The following IQSEC1 variants were observed in gnomAD, a reference collection of about 807,000 sequenced individuals.
IQSEC1 encodes the protein IQ motif and SEC7 domain-containing protein 1.
A neutral mutation model predicts 91.0 loss-of-function variants in IQSEC1; 31 were observed. The observed-to-expected ratio is 0.34, with a 90% CI of 0.26 to 0.46. IQSEC1 has a LOEUF of 0.46. IQSEC1 is among the 20% of genes least tolerant of loss of function. The pLI is 1.00. For missense variants in IQSEC1, 1,388 were observed against 1,575.6 expected, an observed-to-expected ratio of 0.88 and a Z score of 2.02; for synonymous variants, 699 against 662.6, an observed-to-expected ratio of 1.05 and a Z score of -0.84.
At chr3:13,201,090 G>A (rs555064068) in intron 1 of IQSEC1, among the ~76,000 whole-genome samples, 20 of 152,272 alleles carry the variant, frequency 1.3e-4, no homozygotes, top group African/African-American at 3.6e-4. Flanking sequence ...CATTTACTCC[G>A]CACAACAAAT....
chr3:13,051,528 A>G (rs946799003), intron 1 of IQSEC1, among the ~76,000 whole-genome samples: 1 of 152,164 alleles, frequency 6.6e-6, no homozygotes. Flanking sequence ...TGCTGGTTAC[A>G]TGAGTGTGTT....
chr3:13,073,171 G>C lies in IQSEC1; in HGVS notation c.-157C>G. ...CCCGGGGGTGGCGGGCTCCTCCAGG[G>C]AGGCTGGGGCGGGAGCGGGGGGCGG... On this transcript the variant is annotated 5_prime_UTR_variant, in exon 1 of 14. Coordinates refer to ENST00000613206, the MANE Select transcript of IQSEC1 (RefSeq NM_001134382.3). 1.3e-6 allele frequency: 1 copy of C among 754,152 alleles called. No individual in the cohort carries two copies. Among genetic ancestry groups the C allele is most frequent in the Non-Finnish European group, 2.2e-6 (1 of 462,510 alleles). The allele number at this position is 754,152 out of a possible 1,614,324, so 46.7% of individuals were successfully genotyped here.
chr3:13,264,263 T>A (rs998706782), intron 1 of IQSEC1, among the ~76,000 whole-genome samples: 2 of 152,124 alleles, frequency 1.3e-5, no homozygotes, highest in Admixed American at 1.3e-4. Flanking sequence ...CCTCCAAACT[T>A]AAACTGGTTT....
intron 2 of IQSEC1, among the ~76,000 whole-genome samples, chr3:13,117,553 G>T (rs1477201178): frequency 1.1e-5 from 1 of 87,900 alleles, no homozygotes; most frequent in Non-Finnish European, 2.0e-5. Flanking sequence ...CCTGGTGACA[G>T]AGCAAGACTC....
At position 12,908,772 on chromosome 3, in the gene IQSEC1, C is replaced by T. The variant is rs894930629; in HGVS notation, c.2579-247G>A. Among the ~76,000 whole-genome samples the T allele has an allele frequency of 1.3e-5, 2 of 151,982 alleles. No homozygotes were observed. Among genetic ancestry groups the T allele is most frequent in the African/African-American group, 2.4e-5 (1 of 41,376 alleles). On this transcript the variant is annotated intron_variant, in intron 11 of 13. Transcript: ENST00000613206. The surrounding 1 kb of genome is among the most constrained non-coding windows in gnomAD (Gnocchi z 4.9). ...AGGAAGGATAGTCACCTTCCAGGCT[C>T]GGGAGTGGACAGGGAGGCACAGACT... is the stretch of plus-strand genomic sequence containing the variant.
rs1002670477 is a variant in IQSEC1 at position 13,069,539 on chromosome 3, C to T, written c.23+3453G>A. Among the ~76,000 whole-genome samples, 4 of 152,174 alleles carry T rather than the reference C, an allele frequency of 2.6e-5. No homozygotes were observed. The East Asian group carries it at 7.7e-4, about 29-fold the overall frequency. The stretch of plus-strand genomic sequence containing the variant: ...TCCCACCAGAGGGAGACCACTGCCT[C>T]CTGCGGGGGCCGGCAGGTCATCATG... On this transcript the variant is annotated intron_variant, in intron 1 of 13. Transcript: ENST00000613206.
chr3:13,206,032 T>C (rs1694337444), intron 1 of IQSEC1, among the ~76,000 whole-genome samples: 1 of 132,768 alleles, frequency 7.5e-6, no homozygotes, highest in African/African-American at 2.9e-5. Context: ...CCATCCCCCA[T>C]CCCCCCATCT....
At chr3:12,941,443 C>G (rs554586715) in intron 2 of IQSEC1, 128 bp downstream of exon 2, 28 of 948,620 alleles carry the variant, frequency 3.0e-5, no homozygotes, top group Non-Finnish European at 2.9e-5. Context: ...GAGCCCTCAG[C>G]CTTAGCCCAC....
chr3:12,973,525 T>C (rs1375526410), intron 1 of IQSEC1, among the ~76,000 whole-genome samples: 2 of 152,170 alleles, frequency 1.3e-5, no homozygotes, highest in Admixed American at 1.3e-4. Context: ...GCCATTGTCC[T>C]GTGTAACTGG....
At chr3:13,168,886 C>T (rs1693550731) in intron 1 of IQSEC1, among the ~76,000 whole-genome samples, 2 of 152,232 alleles carry the variant, frequency 1.3e-5, no homozygotes, top group Admixed American at 1.3e-4. Context: ...CCCATTCATC[C>T]TCCTGTGAAC....
chr3:13,186,573 G>A (rs1693934902), intron 1 of IQSEC1, among the ~76,000 whole-genome samples: 1 of 152,208 alleles, frequency 6.6e-6, no homozygotes, highest in Admixed American at 6.5e-5. Context: ...CAGTCTGTGA[G>A]GACCGCCTAC....
rs1695289024 is a variant in IQSEC1 at position 13,256,556 on chromosome 3, T to C, written c.272+26155A>G. Among the ~76,000 whole-genome samples, 5 of 152,146 alleles carry C rather than the reference T, an allele frequency of 3.3e-5. No homozygotes were observed. The South Asian group carries it at 1.0e-3, about 32-fold the overall frequency. ...AGCCCAGTGATTTGCCCAGGGGAAC[T>C]GGGGTTCCTAAGAGCCACACCCTCC... On this transcript the variant is annotated intron_variant, in intron 1 of 15. Coordinates refer to the IQSEC1 transcript ENST00000648114.
At chr3:13,142,726 G>A (rs928899550) in intron 2 of IQSEC1, among the ~76,000 whole-genome samples, 6 of 152,262 alleles carry the variant, frequency 3.9e-5, no homozygotes, top group Non-Finnish European at 8.8e-5. Context: ...TGTAACTCCA[G>A]TGTCCATTGT....
chr3:12,967,464 G>A lies in IQSEC1; in HGVS notation c.24-25599C>T. 2.6e-6 allele frequency: 4 copies of A among 1,514,466 alleles called. No individual in the cohort carries two copies. Among genetic ancestry groups the A allele is most frequent in the Non-Finnish European group, 3.5e-6 (4 of 1,137,098 alleles). 93.8% of individuals were successfully genotyped at this position (1,514,466 alleles called of 1,614,324 possible). On this transcript the variant is annotated intron_variant, in intron 1 of 13. Transcript: ENST00000613206. This position sits in a 1 kb window ranked among gnomAD's most constrained non-coding sequence, Gnocchi z 5.9. ...GCAGGCACCACATGGCGGCCGCAGTGGGAGCGGGCCGGGCCGGGAGCCGGG... is the reference window on the plus strand; with the variant it reads ...GCAGGCACCACATGGCGGCCGCAGTAGGAGCGGGCCGGGCCGGGAGCCGGG...
intron 1 of IQSEC1, among the ~76,000 whole-genome samples, chr3:13,275,637 C>T (rs560817104): frequency 4.6e-5 from 7 of 152,248 alleles, no homozygotes; most frequent in Non-Finnish European, 5.9e-5. Context: ...TGCTGACACC[C>T]GTGGGTGGTC....
intron 3 of IQSEC1, among the ~76,000 whole-genome samples, chr3:12,927,250 G>A (rs1697225696): frequency 6.6e-6 from 1 of 152,206 alleles, no homozygotes; most frequent in Admixed American, 6.5e-5. Flanking sequence ...TTTAAAAACT[G>A]GAAGAGTGCA....
At chr3:13,018,157 G>C (rs1456211149) in intron 1 of IQSEC1, among the ~76,000 whole-genome samples, 1 of 152,260 alleles carries the variant, frequency 6.6e-6, no homozygotes, top group Non-Finnish European at 1.5e-5. Flanking sequence ...CCTCGCGTCA[G>C]AGCTGCCTAG....
At position 13,166,466 on chromosome 3, in the gene IQSEC1, G is replaced by A. The variant is rs995616141; in HGVS notation, c.273-2333C>T. On this transcript the variant is annotated intron_variant, in intron 1 of 15. Coordinates refer to the IQSEC1 transcript ENST00000648114. ...ACGCCAGGGGACAAGCACTGACCCT[G>A]AGCCATCAGAGTCTCCTGGGTCCCA... Among the ~76,000 whole-genome samples the A allele has an allele frequency of 3.3e-5, 5 of 152,330 alleles. No homozygotes were observed. The East Asian group carries it at 5.8e-4, about 18-fold the overall frequency.
intron 1 of IQSEC1, among the ~76,000 whole-genome samples, chr3:13,000,240 C>T (rs763568439): frequency 7.9e-5 from 12 of 152,170 alleles, no homozygotes; most frequent in Non-Finnish European, 1.5e-4. Flanking sequence ...AAAAGATGTA[C>T]GACCTTACAC....
Sources: allele counts gnomAD v4.1 joint callset (sites outside exome capture counted in the v4.1 genomes callset), GRCh38; gene constraint gnomAD v4.1.1; non-coding constraint Gnocchi (gnomAD v3.1); transcripts MANE v1.5; gene names NCBI Gene and HGNC (gene_info 2026-07-23, HGNC 2026-07-21).